Variants in TEX11 observed in about 807,000 individuals in gnomAD.
The protein encoded by TEX11 is testis-expressed protein 11.
Under a neutral mutation model 84.4 loss-of-function variants are expected in TEX11, and 7 were observed. The observed-to-expected ratio is 0.08, with a 90% CI of 0.05 to 0.16. TEX11 has a LOEUF of 0.16. Ranked by LOEUF, TEX11 falls within the 10% of genes least tolerant of loss-of-function variation. TEX11 has a pLI of 1.00. For missense variants in TEX11, 551 were observed against 660.5 expected, an observed-to-expected ratio of 0.83 and a Z score of 1.82; for synonymous variants, 264 against 222.8, an observed-to-expected ratio of 1.18 and a Z score of -1.64.
intron 4 of TEX11, among the ~76,000 whole-genome samples, chrX:70,868,927 C>T (rs1211839016): frequency 1.8e-5 from 2 of 108,294 alleles, no homozygotes; most frequent in African/African-American, 3.4e-5. Flanking sequence ...CTAATGCATG[C>T]GGGGCTTAAA....
chrX:70,716,710 C>G lies in TEX11; in HGVS notation c.1004+5908G>C, dbSNP rs779915954. ...CATCACCCCTAGGAAAGGGAATTCC[C>G]TGACCCCTTGTACTTTCCGGGTGAG... On this transcript the variant is annotated intron_variant, in intron 13 of 29. Transcript: ENST00000374333. Among the ~76,000 whole-genome samples, 289 of 112,373 alleles carry G rather than the reference C, an allele frequency of 2.6e-3. 3 individuals carry two copies. The highest frequency in any genetic ancestry group is 8.6e-3 in the African/African-American group (267 of 31,002).
chrX:70,514,588 C>T, the TEX11 span, among the ~76,000 whole-genome samples: 1 of 71,426 alleles, frequency 1.4e-5, no homozygotes, highest in Admixed American at 1.8e-4. Context: ...AGCCGAGACT[C>T]CATCTAAAAA....
intron 7 of TEX11, among the ~76,000 whole-genome samples, chrX:70,842,060 G>T (rs2091448893): frequency 1.8e-5 from 2 of 110,906 alleles, no homozygotes; most frequent in Admixed American, 1.9e-4. Context: ...GTACAAGGAG[G>T]AGCTGGTACC....
the TEX11 span, among the ~76,000 whole-genome samples, chrX:70,512,710 GATGAATGA>G: frequency 3.5e-4 from 38 of 109,258 alleles, 1 homozygote; most frequent in African/African-American, 1.2e-3. Flanking sequence ...TGAATGGACA[GATGAATGA>G]ATGAATGAAT....
At chrX:70,546,118 G>A (rs2088120362) in intron 28 of TEX11, among the ~76,000 whole-genome samples, 1 of 111,994 alleles carries the variant, frequency 8.9e-6, no homozygotes, top group South Asian at 3.7e-4. Flanking sequence ...GTGTGGGAGA[G>A]TCAGATCAGG....
intron 25 of TEX11, among the ~76,000 whole-genome samples, chrX:70,575,576 A>G (rs1279424257): frequency 9.0e-6 from 1 of 111,310 alleles, no homozygotes; most frequent in Admixed American, 9.6e-5. Context: ...TCATCTTGCA[A>G]TCAGAAAGCA....
At chrX:70,532,350 T>C (rs2087898351) in intron 28 of TEX11, among the ~76,000 whole-genome samples, 1 of 111,940 alleles carries the variant, frequency 8.9e-6, no homozygotes, top group African/African-American at 3.2e-5. Context: ...AGGAGAGTGA[T>C]ATGATGAAAG....
intron 12 of TEX11, chrX:70,724,357 A>C: frequency 3.1e-6 from 1 of 323,682 alleles, no homozygotes; most frequent in South Asian, 1.6e-4. Context: ...TGATTGGCTA[A>C]AATTCTAGAG....
intron 2 of TEX11, among the ~76,000 whole-genome samples, chrX:70,884,196 C>A (rs1337201384): frequency 4.4e-5 from 5 of 112,461 alleles, no homozygotes; most frequent in Non-Finnish European, 9.4e-5. Context: ...TAAGTTTTAA[C>A]AAAATGAAGT....
intron 11 of TEX11, among the ~76,000 whole-genome samples, chrX:70,727,032 C>A (rs58068879): frequency 6.3e-5 from 7 of 110,932 alleles, no homozygotes; most frequent in East Asian, 5.6e-4. Flanking sequence ...TGATTTTTTT[C>A]TTTTCACCAG....
At chrX:70,743,871 A>AACACACACACACACAC (rs60520158) in intron 10 of TEX11, among the ~76,000 whole-genome samples, 1 of 87,721 alleles carries the variant, frequency 1.1e-5, no homozygotes, top group Admixed American at 1.3e-4. Flanking sequence ...TCTATCTCAA[A>AACACACACACACACAC]ACACACACAC....
chrX:70,710,943 C>A (rs776592445), intron 13 of TEX11, among the ~76,000 whole-genome samples: 2 of 109,152 alleles, frequency 1.8e-5, no homozygotes, highest in African/African-American at 6.7e-5. Flanking sequence ...CCCCACTCCC[C>A]CCACCCCACA....
intron 5 of TEX11, chrX:70,857,631 A>G (rs1361788258): frequency 7.0e-6 from 2 of 286,811 alleles, no homozygotes; most frequent in East Asian, 1.9e-4. Flanking sequence ...AAGAAAAATG[A>G]TATCAGAAGG....
At chrX:70,794,529 C>T (rs2091144402) in intron 9 of TEX11, among the ~76,000 whole-genome samples, 1 of 109,538 alleles carries the variant, frequency 9.1e-6, no homozygotes, top group Admixed American at 9.8e-5. Context: ...CCCCCAAGCC[C>T]AGGCAGCACA....
chrX:70,544,165 A>C (rs1338765138), intron 28 of TEX11, among the ~76,000 whole-genome samples: 1 of 111,729 alleles, frequency 9.0e-6, no homozygotes, highest in Non-Finnish European at 1.9e-5. Context: ...CTTTATAAAC[A>C]CTGTATACCT....
At chrX:70,528,324 T>A (rs186163755), downstream of TEX11, among the ~76,000 whole-genome samples, 184 of 111,218 alleles carry the variant, frequency 1.7e-3, 1 homozygote, top group Non-Finnish European at 1.1e-3. Flanking sequence ...TAAGTTCCTT[T>A]TTTTGTTTTT....
chrX:70,626,627 T>C (rs1486206288), intron 18 of TEX11, among the ~76,000 whole-genome samples: 1 of 111,953 alleles, frequency 8.9e-6, no homozygotes, highest in Non-Finnish European at 1.9e-5. Flanking sequence ...TTTTGCTTTA[T>C]TGTATTCATC....
chrX:70,611,653 A>G (rs1438546687), intron 20 of TEX11, among the ~76,000 whole-genome samples: 1 of 111,605 alleles, frequency 9.0e-6, no homozygotes. Flanking sequence ...CTCAAGAGAA[A>G]CTGCTTAACC....
At chrX:70,601,925 C>T (rs1374583918) in intron 24 of TEX11, among the ~76,000 whole-genome samples, 1 of 111,007 alleles carries the variant, frequency 9.0e-6, no homozygotes, top group Non-Finnish European at 1.9e-5. Flanking sequence ...AAAAGTCTCC[C>T]ATGTCCACTT....
Sources: allele counts gnomAD v4.1 joint callset (sites outside exome capture counted in the v4.1 genomes callset), GRCh38; gene constraint gnomAD v4.1.1; transcripts MANE v1.5; gene names NCBI Gene and HGNC (gene_info 2026-07-23, HGNC 2026-07-21).